CNDP2: variants seen among roughly 807,000 people sequenced by gnomAD.
The protein encoded by CNDP2 is carnosine dipeptidase 2.
A neutral mutation model predicts 55.0 loss-of-function variants in CNDP2; 38 were observed. The ratio of observed to expected loss-of-function variants is 0.69; its 90% CI spans 0.53 to 0.90. The LOEUF (loss-of-function observed/expected upper bound fraction) is 0.90. Among genes scored for constraint, CNDP2 ranks in the 40% least tolerant of loss-of-function variants. CNDP2 has a pLI of 0.00. For missense variants in CNDP2, 607 were observed against 621.7 expected, an observed-to-expected ratio of 0.98 and a Z score of 0.25; for synonymous variants, 241 against 260.2, an observed-to-expected ratio of 0.93 and a Z score of 0.71.
rs763011620 is a variant in CNDP2, at chr18:74,513,725, G to C, written c.903+6G>C. On this transcript the variant is annotated splice_donor_region_variant and intron_variant, in intron 8 of 11. Coordinates refer to ENST00000324262, the MANE Select transcript of CNDP2 (RefSeq NM_018235.3). Reference sequence around the variant, plus strand: ...TCCTCCTGCACAGCCACAAGGTCTGGTTCAGGGCTCGACTCTGCCACCTGC... The same window carrying C: ...TCCTCCTGCACAGCCACAAGGTCTGCTTCAGGGCTCGACTCTGCCACCTGC... The C allele has an allele frequency of 5.0e-6, 8 of 1,612,498 alleles. No homozygotes were observed. The East Asian group carries it at 1.8e-4, about 36-fold the overall frequency.
chr18:74,521,339 TA>T lies in CNDP2; in HGVS notation c.*1273del, dbSNP rs11339344. 0.95 allele frequency: 145,287 copies of T among 152,284 alleles called. 69,651 individuals are homozygous for T. The highest frequency in any genetic ancestry group is 1 in the South Asian group (4,830 of 4,832). The allele number at this position is 152,284 out of a possible 1,614,324, so 9.4% of individuals were successfully genotyped here. On this transcript the variant is annotated 3_prime_UTR_variant, in exon 12 of 12. Transcript: ENST00000324262. ...GAGAAGTGTCCCTGTCTCTGCTCCTTAACGGCTGTGGGGCCACAGGAAGTCC... is the reference window on the plus strand; with the variant it reads ...GAGAAGTGTCCCTGTCTCTGCTCCTTACGGCTGTGGGGCCACAGGAAGTCC...
chr18:74,519,171 G>GTGCACC (rs755999760), intron 11 of CNDP2, 75 bp downstream of exon 11: 1 of 1,498,840 alleles, frequency 6.7e-7, no homozygotes, highest in Non-Finnish European at 8.9e-7. Flanking sequence ...TTCCCCCCGT[G>GTGCACC]TGCAGCTGCC....
chr18:74,518,711 C>G, intron 10 of CNDP2, 71 bp downstream of exon 10: 1 of 1,594,932 alleles, frequency 6.3e-7, no homozygotes, highest in South Asian at 1.1e-5. Context: ...TGCTATATCG[C>G]GTGGGCGTGT....
At position 74,501,366 on chromosome 18, in the gene CNDP2, C is replaced by T. The variant is rs200600524; in HGVS notation, c.98C>T (p.Ala33Val). The change falls in exon 3 of 12, where the codon GCG (alanine) becomes GTG (valine). Residue 33 changes from alanine to valine, a missense_variant. Physicochemically the swap from Ala to Val is moderately conservative, Grantham distance 64. Transcript: ENST00000324262. ...AKWVAIQSVS[A>V]WPEKRGEIRR... ...TGGGTGGCTATCCAGAGTGTGTCTG[C>T]GTGGCCGGAGAAGAGAGGCGAAATC... 615 of 1,613,824 alleles carry T rather than the reference C, an allele frequency of 3.8e-4. 1 individual carries two copies. The highest frequency in any genetic ancestry group is 7.5e-4 in the South Asian group (68 of 91,072).
At chr18:74,505,133 A>C (rs1978937692) in intron 3 of CNDP2, 1 of 152,164 alleles carries the variant, frequency 6.6e-6, no homozygotes, top group African/African-American at 2.4e-5. Context: ...GGTTTATGGC[A>C]TTTTCCATGC....
intron 2 of CNDP2, chr18:74,501,124 A>C (rs1978669931): frequency 8.9e-7 from 1 of 1,121,564 alleles, no homozygotes; most frequent in Admixed American, 4.0e-5. Context: ...AAACAATATG[A>C]GAGGGTCTCT....
Position 74,521,780 on chromosome 18 carries a change from G to A in CNDP2, c.*1712G>A, listed in dbSNP as rs941690309. On this transcript the variant is annotated 3_prime_UTR_variant, in exon 12 of 12. Coordinates refer to ENST00000324262, the MANE Select transcript of CNDP2 (RefSeq NM_018235.3). ...AAAGCTGGAGCACTTGCTGCTGCAGGTGAGACCCCTGACACACTCTCAAAT... is the reference window on the plus strand; with the variant it reads ...AAAGCTGGAGCACTTGCTGCTGCAGATGAGACCCCTGACACACTCTCAAAT... 6.6e-6 allele frequency: 1 copy of A among 152,196 alleles called. No individual in the cohort carries two copies. Among genetic ancestry groups the A allele is most frequent in the African/African-American group, 2.4e-5 (1 of 41,436 alleles). The allele number at this position is 152,196 out of a possible 1,614,324, so 9.4% of individuals were successfully genotyped here. A position where few individuals can be genotyped will look rare whatever the true frequency, so the allele number is the denominator to read the frequency against.
chr18:74,516,944 G>A (rs1335024715), intron 9 of CNDP2: 4 of 152,410 alleles, frequency 2.6e-5, no homozygotes. Flanking sequence ...AAGTACCTCG[G>A]TCTGCTCAGG....
chr18:74,512,194 C>A, intron 6 of CNDP2: 1 of 441,532 alleles, frequency 2.3e-6, no homozygotes, highest in Admixed American at 3.9e-5. Context: ...GCAGATTGCC[C>A]TGTGGAATGC....
At chr18:74,500,745 G>C (rs902790535) in intron 2 of CNDP2, among the ~76,000 whole-genome samples, 1 of 152,166 alleles carries the variant, frequency 6.6e-6, no homozygotes, top group South Asian at 2.1e-4. Context: ...TGGGAGCATC[G>C]GCAAGCTACT....
At chr18:74,517,366 G>C (rs938701025) in intron 9 of CNDP2, 2 of 152,186 alleles carry the variant, frequency 1.3e-5, no homozygotes, top group African/African-American at 4.8e-5. Context: ...TGAGAGAGCG[G>C]CTCAGCCCGC....
intron 4 of CNDP2, among the ~76,000 whole-genome samples, chr18:74,506,428 G>A (rs555741073): frequency 2.0e-4 from 31 of 152,168 alleles, no homozygotes; most frequent in Admixed American, 1.5e-3. Context: ...GAGCCACCAC[G>A]CCGGGCACAG....
chr18:74,506,424 C>T (rs982425846), intron 4 of CNDP2, among the ~76,000 whole-genome samples: 1 of 152,206 alleles, frequency 6.6e-6, no homozygotes, highest in African/African-American at 2.4e-5. Context: ...GCTTGAGCCA[C>T]CACGCCGGGC....
intron 1 of CNDP2, among the ~76,000 whole-genome samples, chr18:74,498,483 C>T (rs1978522374): frequency 6.6e-6 from 1 of 152,108 alleles, no homozygotes; most frequent in African/African-American, 2.4e-5. Flanking sequence ...GTGACTTTAG[C>T]TACAATGCCA....
In CNDP2 at chr18:74,501,432, T is replaced by A. The variant is rs1187363902; in HGVS notation, c.164T>A (p.Leu55Ter). 6.8e-6 allele frequency: 11 copies of A among 1,613,994 alleles called. No individual in the cohort carries two copies. The highest frequency in any genetic ancestry group is 7.6e-6 in the Non-Finnish European group (9 of 1,179,966). Residue 55 changes from leucine to a stop codon, truncating the protein, a stop_gained, in exon 3 of 12, where the codon TTG (leucine) becomes TAG (stop). Transcript: ENST00000324262. LOFTEE classifies it high-confidence loss of function. The stretch of plus-strand genomic sequence containing the variant: ...GTTGCTGCTGCAGATGTTAAGCAGT[T>A]GGGGGGCTCTGTGGAACTGGTGGAT... Reference protein sequence around the residue: ...MEVAAADVKQLGGSVELVDIG... With the variant: ...MEVAAADVKQ
intron 1 of CNDP2, among the ~76,000 whole-genome samples, chr18:74,496,896 TG>T (rs1036922146): frequency 1.3e-5 from 2 of 152,022 alleles, no homozygotes; most frequent in Admixed American, 1.3e-4. Context: ...GTGGGGAGTG[TG>T]GCGGGACAGA....
chr18:74,505,368 G>C (rs1296982863), intron 3 of CNDP2: 1 of 154,104 alleles, frequency 6.5e-6, no homozygotes, highest in Non-Finnish European at 1.4e-5. Flanking sequence ...GAAAGCCGAG[G>C]TGGGTGGTTT....
chr18:74,505,032 G>A (rs1200794987), intron 3 of CNDP2: 1 of 152,086 alleles, frequency 6.6e-6, no homozygotes, highest in Non-Finnish European at 1.5e-5. Flanking sequence ...AGTGCTTCTG[G>A]GACAAAGCTC....
chr18:74,505,764 C>A, intron 3 of CNDP2, 85 bp from the exon 4 acceptor site: 1 of 1,481,588 alleles, frequency 6.7e-7, no homozygotes, highest in Non-Finnish European at 9.3e-7. Context: ...GATAAGGAAG[C>A]TCAAGGTCTT....
Sources: allele counts gnomAD v4.1 joint callset (sites outside exome capture counted in the v4.1 genomes callset), GRCh38; gene constraint gnomAD v4.1.1; transcripts MANE v1.5; gene names NCBI Gene and HGNC (gene_info 2026-07-23, HGNC 2026-07-21).